The following DHRSX variants were observed in gnomAD, a reference collection of about 807,000 sequenced individuals.
DHRSX encodes the protein polyprenol dehydrogenase.
Under a neutral mutation model 34.0 loss-of-function variants are expected in DHRSX, and 31 were observed. That is an observed-to-expected ratio of 0.91 (90% CI 0.69 to 1.23). The LOEUF (loss-of-function observed/expected upper bound fraction) is 1.23, where lower values mean the gene tolerates loss of function less well. DHRSX is among the 50% of genes most tolerant of loss of function. DHRSX has a pLI of 0.00. For missense variants in DHRSX, 414 were observed against 428.1 expected, an observed-to-expected ratio of 0.97 and a Z score of 0.29; for synonymous variants, 201 against 183.8, an observed-to-expected ratio of 1.09 and a Z score of -0.76.
intron 1 of DHRSX, among the ~76,000 whole-genome samples, chrX:2,495,045 TGTC>T: frequency 6.6e-6 from 1 of 151,484 alleles, no homozygotes; most frequent in East Asian, 1.9e-4. Context: ...TATATTCTAT[TGTC>T]ATTATTATTA....
intron 3 of DHRSX, among the ~76,000 whole-genome samples, chrX:2,386,848 C>A (rs1023276729): frequency 6.8e-6 from 1 of 146,384 alleles, no homozygotes. Context: ...ATTATTCTTT[C>A]ATTTTTCTTA....
At chrX:2,451,364 C>G (rs936230898) in intron 1 of DHRSX, among the ~76,000 whole-genome samples, 2 of 152,016 alleles carry the variant, frequency 1.3e-5, no homozygotes, top group African/African-American at 4.8e-5. Context: ...GTCATCCTCC[C>G]AAGTCTACAC....
chrX:2,303,676 AT>A (rs1723856335), intron 3 of DHRSX, among the ~76,000 whole-genome samples: 1 of 152,166 alleles, frequency 6.6e-6, no homozygotes, highest in Non-Finnish European at 1.5e-5. Flanking sequence ...GGATGCATGC[AT>A]GGACGGATGG....
At chrX:2,406,466 A>G (rs1236824647) in intron 3 of DHRSX, among the ~76,000 whole-genome samples, 1 of 150,092 alleles carries the variant, frequency 6.7e-6, no homozygotes, top group Admixed American at 6.7e-5. Context: ...TTTGAGACAG[A>G]GTCTTGCTCT....
chrX:2,256,484 C>T (rs1388855712), intron 5 of DHRSX, among the ~76,000 whole-genome samples: 10 of 152,160 alleles, frequency 6.6e-5, no homozygotes, highest in African/African-American at 2.2e-4. Flanking sequence ...TTAGTAGAGA[C>T]GGGGTTTCCC....
At chrX:2,373,842 G>C (rs1471568543) in intron 3 of DHRSX, among the ~76,000 whole-genome samples, 1 of 152,194 alleles carries the variant, frequency 6.6e-6, no homozygotes. Flanking sequence ...TTGACAGCAG[G>C]AGATGGTGAG....
At position 2,364,990 on chromosome X, in the gene DHRSX, C is replaced by T. The variant is rs779453696; in HGVS notation, c.286+43755G>A. Among the ~76,000 whole-genome samples the T allele has an allele frequency of 4.6e-5, 7 of 152,214 alleles. No individual in the cohort carries two copies. The East Asian group carries it at 1.2e-3, about 25-fold the overall frequency. ...AGTGGTTTTCAACTGAGCAAAATTT[C>T]GCCTCCTCAGGGACAACTGGCATAT... On this transcript the variant is annotated intron_variant, in intron 3 of 6. Coordinates refer to ENST00000334651, the MANE Select transcript of DHRSX (RefSeq NM_145177.3).
chrX:2,415,570 C>T (rs1021499533), intron 2 of DHRSX, among the ~76,000 whole-genome samples: 2 of 151,442 alleles, frequency 1.3e-5, no homozygotes, highest in African/African-American at 4.9e-5. Flanking sequence ...CTCATAAAGA[C>T]CAGCCCAACT....
intron 3 of DHRSX, among the ~76,000 whole-genome samples, chrX:2,396,235 T>C (rs2043407583): frequency 6.6e-6 from 1 of 152,140 alleles, no homozygotes; most frequent in African/African-American, 2.4e-5. Flanking sequence ...CATCTTGAGA[T>C]CCTTAACTAA....
intron 4 of DHRSX, among the ~76,000 whole-genome samples, chrX:2,286,238 G>A (rs931565785): frequency 1.1e-4 from 16 of 152,176 alleles, no homozygotes; most frequent in African/African-American, 3.6e-4. Context: ...ACGGGCTTGT[G>A]CTGAATCCAT....
At chrX:2,330,124 C>G (rs866995550) in intron 3 of DHRSX, among the ~76,000 whole-genome samples, 53 of 62,414 alleles carry the variant, frequency 8.5e-4, no homozygotes, top group African/African-American at 1.9e-3. Flanking sequence ...GAGAGAGAGA[C>G]AGAGAGAAAG....
intron 1 of DHRSX, among the ~76,000 whole-genome samples, chrX:2,458,853 A>G (rs1249309599): frequency 6.6e-6 from 1 of 151,956 alleles, no homozygotes; most frequent in African/African-American, 2.4e-5. Flanking sequence ...AAAAATGAAA[A>G]AATTAGCTAG....
intron 1 of DHRSX, among the ~76,000 whole-genome samples, chrX:2,468,500 G>T (rs2044532287): frequency 6.6e-6 from 1 of 151,576 alleles, no homozygotes; most frequent in Non-Finnish European, 1.5e-5. Flanking sequence ...CGGACACTCA[G>T]AAGAATGTGG....
chrX:2,303,283 A>C (rs1328427948), intron 3 of DHRSX, among the ~76,000 whole-genome samples: 1 of 152,104 alleles, frequency 6.6e-6, no homozygotes, highest in African/African-American at 2.4e-5. Context: ...CCCAAATCTC[A>C]TGTTGAATTG....
chrX:2,254,823 T>A (rs1208348926), intron 5 of DHRSX, among the ~76,000 whole-genome samples: 3 of 151,758 alleles, frequency 2.0e-5, no homozygotes, highest in Non-Finnish European at 4.4e-5. Flanking sequence ...ATTTTGGTAT[T>A]TTTAGCACAG....
At chrX:2,331,300 C>T (rs917611424) in intron 3 of DHRSX, among the ~76,000 whole-genome samples, 16 of 152,026 alleles carry the variant, frequency 1.1e-4, no homozygotes, top group African/African-American at 3.6e-4. Flanking sequence ...TCTTGAACCC[C>T]CTCAATGTCA....
chrX:2,462,953 GATGACTTCATGGGGATC>G (rs1336498777), intron 1 of DHRSX, among the ~76,000 whole-genome samples: 2 of 152,116 alleles, frequency 1.3e-5, no homozygotes, highest in Non-Finnish European at 2.9e-5. Flanking sequence ...CTTGGGAGGT[GATGACTTCATGGGGATC>G]AAGCCTCATG....
intron 3 of DHRSX, among the ~76,000 whole-genome samples, chrX:2,321,535 T>C (rs2042310935): frequency 1.3e-5 from 2 of 152,052 alleles, no homozygotes; most frequent in Admixed American, 6.6e-5. Flanking sequence ...ATTCGTGCCC[T>C]TGTAAGAAGA....
At chrX:2,380,956 C>G (rs1468845562) in intron 3 of DHRSX, among the ~76,000 whole-genome samples, 1 of 151,666 alleles carries the variant, frequency 6.6e-6, no homozygotes, top group Non-Finnish European at 1.5e-5. Context: ...CCTCCGCCTC[C>G]GAGGTTCAAG....
Sources: allele counts gnomAD v4.1 joint callset (sites outside exome capture counted in the v4.1 genomes callset), GRCh38; gene constraint gnomAD v4.1.1; transcripts MANE v1.5; gene names NCBI Gene and HGNC (gene_info 2026-07-23, HGNC 2026-07-21).